ADAMTSL1: variants seen among roughly 807,000 people sequenced by gnomAD.
The protein encoded by ADAMTSL1 is ADAMTS-like protein 1.
In ADAMTSL1, 126 loss-of-function variants were observed where a neutral mutation model predicts 201.8. The observed-to-expected ratio is 0.62, with a 90% CI of 0.54 to 0.72. ADAMTSL1 has a LOEUF of 0.72. Among genes scored for constraint, ADAMTSL1 ranks in the 30% least tolerant of loss-of-function variants. The pLI, the probability that ADAMTSL1 is intolerant of heterozygous loss-of-function variation, is 0.00. For missense variants in ADAMTSL1, 2,679 were observed against 2,277.8 expected (o/e 1.18, Z -3.59); for synonymous variants, 1,121 against 903.4 (o/e 1.24, Z -4.32).
At chr9:18,076,481 C>T (rs932754154) in intron 1 of ADAMTSL1, among the ~76,000 whole-genome samples, 2 of 152,144 alleles carry the variant, frequency 1.3e-5, no homozygotes, top group Non-Finnish European at 2.9e-5. Flanking sequence ...ATGATAAGGG[C>T]ACAGTGACAA....
In ADAMTSL1 at chr9:18,253,850, T is replaced by C. The variant is rs558534347; in HGVS notation, c.207+89869T>C. On this transcript the variant is annotated intron_variant, in intron 2 of 29. Coordinates refer to the ADAMTSL1 transcript ENST00000680146. ...ACACACACTACTAAAGCTGTAGTTC[T>C]TAGGTAGTGGGACGAGGCAAGCACC... 1.9e-3 allele frequency among the ~76,000 whole-genome samples: 286 copies of C among 148,748 alleles called. 1 individual carries two copies. Among genetic ancestry groups the C allele is most frequent in the African/African-American group, 6.3e-3 (261 of 41,370 alleles).
intron 2 of ADAMTSL1, among the ~76,000 whole-genome samples, chr9:18,179,877 G>A (rs948976055): frequency 1.4e-3 from 211 of 151,908 alleles, no homozygotes; most frequent in African/African-American, 4.7e-3. Flanking sequence ...TGAAGGAAGC[G>A]CTAAACATGG....
At position 18,888,001 on chromosome 9, in the gene ADAMTSL1, G is replaced by A. The variant is rs758023079; in HGVS notation, c.4420G>A (p.Glu1474Lys). 2 of 1,613,906 alleles carry A rather than the reference G, an allele frequency of 1.2e-6. No individual in the cohort carries two copies. The highest frequency in any genetic ancestry group is 1.1e-5 in the South Asian group (1 of 91,064). ...QGEFSCLAQNEAGVLMQKASL... is the reference protein window; with the variant it reads ...QGEFSCLAQNKAGVLMQKASL... Reference sequence around the variant, plus strand: ...GGAATTCAGCTGCCTTGCTCAGAATGAGGCAGGGGTGCTCATGCAGAAGGC... The same window carrying A: ...GGAATTCAGCTGCCTTGCTCAGAATAAGGCAGGGGTGCTCATGCAGAAGGC... The change falls in exon 24 of 29, where the codon GAG becomes AAG. Residue 1474 changes from glutamate (E) to lysine (K), a missense_variant. Physicochemically the swap from Glu to Lys is moderately conservative, Grantham distance 56 (BLOSUM62 1). Transcript: ENST00000380548.
intron 1 of ADAMTSL1, among the ~76,000 whole-genome samples, chr9:18,082,971 C>A (rs1210670810): frequency 1.3e-5 from 2 of 152,108 alleles, no homozygotes; most frequent in Admixed American, 1.3e-4. Context: ...ACCAGTACTG[C>A]CAGGAAGCTG....
At position 18,671,684 on chromosome 9, in the gene ADAMTSL1, G is replaced by A. The variant is rs565623554; in HGVS notation, c.1086-4173G>A. 4.6e-5 allele frequency among the ~76,000 whole-genome samples: 7 copies of A among 152,232 alleles called. No individual in the cohort carries two copies. The East Asian group carries it at 9.7e-4, about 21-fold the overall frequency. ...TGCAGTTCCAGAGAAGAAGCAAGAG[G>A]TCATGAGAGATTCACTGAGAGAAAC... On this transcript the variant is annotated intron_variant, in intron 9 of 28. Transcript: ENST00000380548.
intron 2 of ADAMTSL1, among the ~76,000 whole-genome samples, chr9:18,289,172 T>TCTATCTATCTACCTATCTAC (rs1554650791): frequency 5.1e-5 from 7 of 138,090 alleles, no homozygotes; most frequent in Non-Finnish European, 8.1e-5. Context: ...TATCTATCTA[T>TCTATCTATCTACCTATCTAC]CTACCTACCT....
intron 2 of ADAMTSL1, among the ~76,000 whole-genome samples, chr9:18,193,955 A>C (rs925675291): frequency 3.3e-5 from 5 of 152,178 alleles, no homozygotes; most frequent in African/African-American, 1.2e-4. Flanking sequence ...ATACTAATTT[A>C]GTGCTATTTA....
At chr9:18,286,033 T>TTCTCTC (rs57298631) in intron 2 of ADAMTSL1, among the ~76,000 whole-genome samples, 1 of 150,026 alleles carries the variant, frequency 6.7e-6, no homozygotes, top group Non-Finnish European at 1.5e-5. Context: ...ACTGGTTACT[T>TTCTCTC]TCTCTCTCTC....
At chr9:18,850,074 G>A (rs1317727272) in intron 23 of ADAMTSL1, among the ~76,000 whole-genome samples, 1 of 152,236 alleles carries the variant, frequency 6.6e-6, no homozygotes, top group African/African-American at 2.4e-5. Context: ...AAGCAAGGCA[G>A]TAAATGTCAC....
intron 19 of ADAMTSL1, among the ~76,000 whole-genome samples, chr9:18,786,537 G>A (rs896251444): frequency 4.6e-5 from 7 of 152,174 alleles, no homozygotes; most frequent in Non-Finnish European, 1.0e-4. Flanking sequence ...TAGCAGAAGT[G>A]CAAAGAACAG....
chr9:18,586,792 C>G (rs1195906645), intron 4 of ADAMTSL1, among the ~76,000 whole-genome samples: 1 of 152,066 alleles, frequency 6.6e-6, no homozygotes, highest in Non-Finnish European at 1.5e-5. Flanking sequence ...AATAAGGCCA[C>G]ACACCTATGA....
chr9:18,046,587 A>G (rs894660465), intron 1 of ADAMTSL1, among the ~76,000 whole-genome samples: 1 of 152,204 alleles, frequency 6.6e-6, no homozygotes, highest in African/African-American at 2.4e-5. Flanking sequence ...GTATGTTAGA[A>G]AAGAAAAGGA....
At chr9:18,347,254 G>T (rs1231076790) in intron 2 of ADAMTSL1, among the ~76,000 whole-genome samples, 1 of 151,796 alleles carries the variant, frequency 6.6e-6, no homozygotes, top group Non-Finnish European at 1.5e-5. Flanking sequence ...TATTCCTGGG[G>T]CTGAAGCTGA....
intron 1 of ADAMTSL1, among the ~76,000 whole-genome samples, chr9:17,987,754 C>T (rs141443185): frequency 5.3e-5 from 8 of 152,068 alleles, no homozygotes; most frequent in Non-Finnish European, 7.4e-5. Context: ...CTTTTCTTAT[C>T]TTTCCTTCAA....
chr9:18,674,948 C>T (rs1830052905), intron 9 of ADAMTSL1, among the ~76,000 whole-genome samples: 1 of 152,112 alleles, frequency 6.6e-6, no homozygotes, highest in Admixed American at 6.5e-5. Context: ...TGCAGGGACC[C>T]ACCAGTCTTA....
chr9:18,108,252 G>A (rs1280563905), intron 1 of ADAMTSL1, among the ~76,000 whole-genome samples: 1 of 141,900 alleles, frequency 7.0e-6, no homozygotes, highest in Non-Finnish European at 1.5e-5. Flanking sequence ...CTAGGCTGGT[G>A]TACAGTGACA....
chr9:18,598,770 G>C (rs7862714), intron 4 of ADAMTSL1, among the ~76,000 whole-genome samples: 91,256 of 151,890 alleles, frequency 0.6, 27,671 homozygotes, highest in East Asian at 0.69. Context: ...GCTGACTAGT[G>C]CTGTGTGAGC....
intron 1 of ADAMTSL1, among the ~76,000 whole-genome samples, chr9:18,129,250 T>G (rs1010988915): frequency 1.3e-5 from 2 of 152,226 alleles, no homozygotes; most frequent in Admixed American, 6.5e-5. Flanking sequence ...TTTTGAATGC[T>G]AATATGCTTC....
At chr9:18,016,966 T>A (rs1820283586) in intron 1 of ADAMTSL1, among the ~76,000 whole-genome samples, 1 of 152,060 alleles carries the variant, frequency 6.6e-6, no homozygotes, top group Admixed American at 6.6e-5. Context: ...ACTAGTTGGA[T>A]GGCAGATACC....
Sources: allele counts gnomAD v4.1 joint callset (sites outside exome capture counted in the v4.1 genomes callset), GRCh38; gene constraint gnomAD v4.1.1; transcripts MANE v1.5; gene names NCBI Gene and HGNC (gene_info 2026-07-23, HGNC 2026-07-21).